Variants in HSD11B1 observed in about 807,000 individuals in gnomAD.
The protein encoded by HSD11B1 is 11-beta-hydroxysteroid dehydrogenase 1.
A neutral mutation model predicts 22.1 loss-of-function variants in HSD11B1; 15 were observed. The ratio of observed to expected loss-of-function variants is 0.68; its 90% confidence interval spans 0.45 to 1.04. The LOEUF is 1.04. Among genes scored for constraint, HSD11B1 ranks in the 50% least tolerant of loss-of-function variants. The pLI, the probability that HSD11B1 is intolerant of heterozygous loss-of-function variation, is 0.00. For synonymous variants in HSD11B1, 122 were observed against 125.2 expected, an observed-to-expected ratio of 0.97 and a Z score of 0.17; for missense variants, 281 against 357.6, an observed-to-expected ratio of 0.79 and a Z score of 1.73.
intron 4 of HSD11B1, among the ~76,000 whole-genome samples, chr1:209,713,654 T>C (rs992169684): frequency 6.6e-6 from 1 of 152,220 alleles, no homozygotes; most frequent in Non-Finnish European, 1.5e-5. Flanking sequence ...AATGGCATAG[T>C]ATCTGCATAT....
upstream of HSD11B1, among the ~76,000 whole-genome samples, chr1:209,702,738 C>T (rs555820289): frequency 6.9e-4 from 105 of 152,328 alleles, no homozygotes; most frequent in Non-Finnish European, 1.0e-3. Context: ...AAAACCTACA[C>T]AGGCAAAAGT....
intron 1 of HSD11B1, among the ~76,000 whole-genome samples, chr1:209,696,522 T>A (rs2076792325): frequency 6.6e-6 from 1 of 152,190 alleles, no homozygotes; most frequent in Middle Eastern, 3.4e-3. Flanking sequence ...GACTCATCCA[T>A]CAACACAAAG....
At chr1:209,699,880 G>C (rs969805807), upstream of HSD11B1, among the ~76,000 whole-genome samples, 1 of 152,208 alleles carries the variant, frequency 6.6e-6, no homozygotes, top group East Asian at 1.9e-4. Flanking sequence ...GCCCATGCAA[G>C]TCTAAAATCC....
In HSD11B1 at chr1:209,706,939, G is replaced by T; in HGVS notation, c.332-4G>T. 1 of 1,613,788 alleles carries T rather than the reference G, an allele frequency of 6.2e-7. No individual in the cohort carries two copies. Among genetic ancestry groups the T allele is most frequent in the African/African-American group, 1.3e-5 (1 of 75,032 alleles). ...TGATTTCTTAATATAGCCATCTCTT[G>T]CAGGAGGACTAGACATGCTCATTCT... On this transcript the variant is annotated splice_polypyrimidine_tract_variant and splice_region_variant and intron_variant, in intron 3 of 5. Coordinates refer to ENST00000367027, the MANE Select transcript of HSD11B1 (RefSeq NM_005525.4). The surrounding 1 kb of genome is among the most constrained non-coding windows in gnomAD (Gnocchi z 4.0).
intron 4 of HSD11B1, among the ~76,000 whole-genome samples, chr1:209,716,928 A>T (rs2076933993): frequency 6.6e-6 from 1 of 152,204 alleles, no homozygotes; most frequent in African/African-American, 2.4e-5. Flanking sequence ...TAAAGACTTA[A>T]ATGTAAGACC....
intron 1 of HSD11B1, among the ~76,000 whole-genome samples, chr1:209,689,614 C>T (rs1452118345): frequency 6.6e-6 from 1 of 152,174 alleles, no homozygotes. Flanking sequence ...AATTCTTACT[C>T]TATGAGTTCC....
intron 1 of HSD11B1, among the ~76,000 whole-genome samples, chr1:209,691,098 T>G (rs1027683787): frequency 6.6e-6 from 1 of 151,892 alleles, no homozygotes; most frequent in Non-Finnish European, 1.5e-5. Flanking sequence ...AAACCAAGGG[T>G]CAGAAATCTG....
At chr1:209,699,120 G>A (rs2076810994) in intron 1 of HSD11B1, among the ~76,000 whole-genome samples, 1 of 152,166 alleles carries the variant, frequency 6.6e-6, no homozygotes, top group South Asian at 2.1e-4. Context: ...AGGAAGGGAA[G>A]GAGGAGGGAG....
chr1:209,723,158 A>G (rs1026631575), intron 4 of HSD11B1, among the ~76,000 whole-genome samples: 1 of 152,182 alleles, frequency 6.6e-6, no homozygotes, highest in African/African-American at 2.4e-5. Flanking sequence ...TATAGTCACC[A>G]TAGCTCTGTT....
intron 4 of HSD11B1, among the ~76,000 whole-genome samples, chr1:209,728,055 G>T (rs2102398107): frequency 6.6e-6 from 1 of 152,304 alleles, no homozygotes; most frequent in African/African-American, 2.4e-5. Flanking sequence ...GGGGATGAGG[G>T]CAGGAAGTCC....
In HSD11B1 at chr1:209,706,438, A is replaced by G. The variant is rs941235929; in HGVS notation, c.220-271A>G. Among the ~76,000 whole-genome samples, 1 of 152,194 alleles carries G rather than the reference A, an allele frequency of 6.6e-6. No homozygotes were observed. The highest frequency in any genetic ancestry group is 1.5e-5 in the Non-Finnish European group (1 of 68,030). On this transcript the variant is annotated intron_variant, in intron 2 of 5. Coordinates refer to ENST00000367027, the MANE Select transcript of HSD11B1 (RefSeq NM_005525.4). The surrounding 1 kb of genome is among the most constrained non-coding windows in gnomAD (Gnocchi z 4.0). ...ACTCATAATGCCCTCAGAAATGCCT[A>G]TTCACAGAAGCCATGAGCATAAATC...
At chr1:209,699,893 A>G (rs1420603905), upstream of HSD11B1, among the ~76,000 whole-genome samples, 1 of 152,202 alleles carries the variant, frequency 6.6e-6, no homozygotes, top group African/African-American at 2.4e-5. Flanking sequence ...TAAAATCCAA[A>G]GGGGCAGTCA....
chr1:209,692,549 G>A (rs1438462992), intron 1 of HSD11B1, among the ~76,000 whole-genome samples: 2 of 138,476 alleles, frequency 1.4e-5, no homozygotes, highest in African/African-American at 5.4e-5. Flanking sequence ...GCACCCCCTG[G>A]GGGATGATGG....
intron 4 of HSD11B1, among the ~76,000 whole-genome samples, chr1:209,709,412 GT>G (rs1413738573): frequency 6.6e-6 from 1 of 152,176 alleles, no homozygotes; most frequent in Non-Finnish European, 1.5e-5. Context: ...CAAGTTTCTT[GT>G]ATGTGTAACA....
At chr1:209,709,561 A>T (rs11806703) in intron 4 of HSD11B1, among the ~76,000 whole-genome samples, 26,394 of 152,080 alleles carry the variant, frequency 0.17, 2,281 homozygotes, top group East Asian at 0.22. Flanking sequence ...ACACCCTGGA[A>T]AGGCAGTCCA....
At chr1:209,732,351 C>A in intron 4 of HSD11B1, 85 bp from the exon 5 acceptor site, 2 of 1,422,704 alleles carry the variant, frequency 1.4e-6, no homozygotes, top group Non-Finnish European at 2.0e-6. Context: ...AAAAGGACAC[C>A]ATAGGAGTTA....
At chr1:209,719,422 G>A (rs1273071796) in intron 4 of HSD11B1, among the ~76,000 whole-genome samples, 2 of 152,236 alleles carry the variant, frequency 1.3e-5, no homozygotes, top group Admixed American at 6.5e-5. Context: ...GTTGCCAGGG[G>A]CTGGGAAAGG....
Position 209,714,944 on chromosome 1 carries a change from T to C in HSD11B1, c.517+7816T>C, listed in dbSNP as rs561387012. Among the ~76,000 whole-genome samples, 4 of 152,242 alleles carry C rather than the reference T, an allele frequency of 2.6e-5. No homozygotes were observed. The South Asian group carries it at 8.3e-4, about 32-fold the overall frequency. On this transcript the variant is annotated intron_variant, in intron 4 of 5. Coordinates refer to ENST00000367027, the MANE Select transcript of HSD11B1 (RefSeq NM_005525.4). ...CTAAGTGGGCCAAGGAGGCTCTTCATGTGGCACCTGGCACAGGGCATCAGA... is the reference window on the plus strand; with the variant it reads ...CTAAGTGGGCCAAGGAGGCTCTTCACGTGGCACCTGGCACAGGGCATCAGA...
chr1:209,700,690 C>G (rs1282832077), upstream of HSD11B1, among the ~76,000 whole-genome samples: 1 of 152,220 alleles, frequency 6.6e-6, no homozygotes, highest in Non-Finnish European at 1.5e-5. Context: ...CATCATCAGG[C>G]TGCAAATTTT....
Sources: gnomAD v4.1 joint callset for allele counts (sites outside exome capture counted in the v4.1 genomes callset) on GRCh38, gnomAD v4.1.1 for gene constraint, Gnocchi (gnomAD v3.1) non-coding constraint, MANE v1.5 for transcripts, NCBI Gene and HGNC (gene_info 2026-07-23, HGNC 2026-07-21) for gene names.